NDUFA10: variants seen among roughly 807,000 people sequenced by gnomAD.
The protein encoded by NDUFA10 is NADH dehydrogenase [ubiquinone] 1 alpha subcomplex subunit 10, mitochondrial.
NDUFA10 carries 40 observed loss-of-function variants against 47.8 expected under a neutral mutation model. That is an observed-to-expected ratio of 0.84 (90% CI 0.65 to 1.09). The LOEUF (loss-of-function observed/expected upper bound fraction) is 1.09, where lower values mean the gene tolerates loss of function less well. Ranked by LOEUF, NDUFA10 falls within the 50% of genes least tolerant of loss-of-function variation. The probability of loss-of-function intolerance (pLI) is 0.00; values close to 1 mark genes in which losing one functional copy is unlikely to be tolerated. For missense variants in NDUFA10, 413 were observed against 451.1 expected (o/e 0.92, Z 0.76); for synonymous variants, 183 against 172.2 (o/e 1.06, Z -0.49).
At position 240,014,422 on chromosome 2, in the gene NDUFA10, G is replaced by A. The variant is rs76421408; in HGVS notation, c.669+317C>T. On this transcript the variant is annotated intron_variant, in intron 5 of 9. Coordinates refer to ENST00000252711, the MANE Select transcript of NDUFA10 (RefSeq NM_004544.4). The stretch of plus-strand genomic sequence containing the variant: ...ACCTCATCAGAGAACAGAAAGGTAC[G>A]TGACAGAGGGATGGAGGACGCTCTG... 6.9e-3 allele frequency: 2,819 copies of A among 410,324 alleles called. 59 individuals are homozygous for A. Among genetic ancestry groups the A allele is most frequent in the African/African-American group, 0.053 (2,583 of 49,064 alleles). 25.4% of individuals were successfully genotyped at this position (410,324 alleles called of 1,614,324 possible).
intron 4 of NDUFA10, among the ~76,000 whole-genome samples, chr2:239,900,078 G>A (rs148502643): frequency 1.8e-3 from 273 of 152,142 alleles, no homozygotes; most frequent in Middle Eastern, 6.8e-3. Context: ...CTCCCGTGGT[G>A]GATGCTTCCT....
At position 240,005,241 on chromosome 2, in the gene NDUFA10, C is replaced by A. The variant is rs1198189814; in HGVS notation, c.859G>T (p.Asp287Tyr). ...CGCAGGTGGTATAAAGTGCGATTGT[C>A]CTGCTTGAGCCACGGCCCTTTATCG... ...KFDKGPWLKQ[D>Y]NRTLYHLRLL... The change falls in exon 8 of 10, where the codon GAC becomes TAC. Residue 287 changes from aspartate (D) to tyrosine (Y), a missense_variant. Coordinates refer to ENST00000252711, the MANE Select transcript of NDUFA10 (RefSeq NM_004544.4). The A allele has an allele frequency of 1.2e-6, 2 of 1,613,990 alleles. No homozygotes were observed. Among genetic ancestry groups the A allele is most frequent in the Middle Eastern group, 1.6e-4 (1 of 6,084 alleles).
In NDUFA10 at chr2:239,907,991, C is replaced by G. The variant is rs186920208; in HGVS notation, c.295-12677G>C. 9.2e-5 allele frequency among the ~76,000 whole-genome samples: 14 copies of G among 152,260 alleles called. No homozygotes were observed. The East Asian group carries it at 2.7e-3, about 29-fold the overall frequency. ...TATTCACAATAGCAAAGACTTGGAACCAACCCAGATGTCCATCAATGATAG... is the reference window on the plus strand; with the variant it reads ...TATTCACAATAGCAAAGACTTGGAAGCAACCCAGATGTCCATCAATGATAG... On this transcript the variant is annotated intron_variant, in intron 4 of 5. Coordinates refer to the NDUFA10 transcript ENST00000419408.
At chr2:239,968,428 G>A (rs1006842716) in intron 9 of NDUFA10, among the ~76,000 whole-genome samples, 2 of 152,254 alleles carry the variant, frequency 1.3e-5, no homozygotes, top group Non-Finnish European at 2.9e-5. Flanking sequence ...GAACTATGCA[G>A]CTCCTGGGCA....
At chr2:240,023,972 G>A (rs942040521) in intron 1 of NDUFA10, among the ~76,000 whole-genome samples, 1 of 152,248 alleles carries the variant, frequency 6.6e-6, no homozygotes. Flanking sequence ...GCAATCCAAA[G>A]TAACCGACAG....
chr2:239,950,861 G>A (rs1164806092), intron 4 of NDUFA10, among the ~76,000 whole-genome samples: 1 of 152,212 alleles, frequency 6.6e-6, no homozygotes, highest in Non-Finnish European at 1.5e-5. Context: ...CTGTCTAGTT[G>A]TGTGACACTG....
intron 9 of NDUFA10, chr2:239,976,586 C>T (rs1164305343): frequency 6.6e-6 from 1 of 152,300 alleles, no homozygotes; most frequent in Non-Finnish European, 1.5e-5. Flanking sequence ...TGCCGAGTCT[C>T]CAGGGTGTGG....
chr2:239,976,177 T>A (rs1231594335), intron 9 of NDUFA10, among the ~76,000 whole-genome samples: 1 of 152,192 alleles, frequency 6.6e-6, no homozygotes, highest in Admixed American at 6.5e-5. Flanking sequence ...CTTGGTTACA[T>A]AACAATGTGC....
chr2:239,954,664 G>A (rs1406153225), downstream of NDUFA10, among the ~76,000 whole-genome samples: 1 of 152,230 alleles, frequency 6.6e-6, no homozygotes, highest in African/African-American at 2.4e-5. Flanking sequence ...TAGATGCAAA[G>A]GAGGGGCTGT....
chr2:239,953,674 G>C (rs1332724451), downstream of NDUFA10, among the ~76,000 whole-genome samples: 4 of 151,440 alleles, frequency 2.6e-5, no homozygotes, highest in African/African-American at 9.8e-5. Flanking sequence ...TGCCCTCTTA[G>C]GTGGGAAAAC....
chr2:239,941,121 G>T (rs78282445), intron 4 of NDUFA10, among the ~76,000 whole-genome samples: 10,756 of 152,302 alleles, frequency 0.071, 513 homozygotes, highest in Admixed American at 0.12. Flanking sequence ...CGGCAACAAG[G>T]AAGGAGCTTA....
chr2:239,946,999 C>T (rs3923003), intron 4 of NDUFA10, among the ~76,000 whole-genome samples: 63,414 of 152,018 alleles, frequency 0.42, 13,918 homozygotes, highest in East Asian at 0.62. Context: ...GTCCAGGAGA[C>T]GGATGCCCAG....
rs145371423 is a variant in NDUFA10 at position 240,017,919 on chromosome 2, T to C, written c.547+634A>G. ...AGCCACCCCAGTCTACAGATGAAAA[T>C]GCCGTCAGTCAGACTGTCCACCAGG... On this transcript the variant is annotated intron_variant, in intron 4 of 9. Coordinates refer to ENST00000252711, the MANE Select transcript of NDUFA10 (RefSeq NM_004544.4). The C allele has an allele frequency of 1.2e-3, 1,801 of 1,555,572 alleles. 21 individuals carry two copies. In the African/African-American group the frequency reaches 0.022, roughly 19 times the overall value.
At chr2:240,005,840 G>C (rs1696929603) in intron 7 of NDUFA10, among the ~76,000 whole-genome samples, 1 of 152,178 alleles carries the variant, frequency 6.6e-6, no homozygotes, top group Non-Finnish European at 1.5e-5. Context: ...TTACCCTGCA[G>C]GCTGGGAGAA....
At chr2:239,988,230 A>G (rs1321327678) in intron 9 of NDUFA10, among the ~76,000 whole-genome samples, 2 of 152,242 alleles carry the variant, frequency 1.3e-5, no homozygotes, top group Non-Finnish European at 2.9e-5. Context: ...TAACCAAAAG[A>G]AAGTTTCAGA....
At chr2:239,979,742 G>A (rs1695694608) in intron 9 of NDUFA10, among the ~76,000 whole-genome samples, 1 of 152,026 alleles carries the variant, frequency 6.6e-6, no homozygotes, top group African/African-American at 2.4e-5. Flanking sequence ...CTTTAAACCT[G>A]AGACCCAGAT....
chr2:239,900,950 A>T (rs1160039590), intron 4 of NDUFA10, among the ~76,000 whole-genome samples: 2 of 152,242 alleles, frequency 1.3e-5, no homozygotes, highest in African/African-American at 4.8e-5. Flanking sequence ...TATACAGAAG[A>T]TCTAGCTGAG....
chr2:240,019,141 G>A (rs1336925735), intron 3 of NDUFA10, among the ~76,000 whole-genome samples: 1 of 152,128 alleles, frequency 6.6e-6, no homozygotes, highest in South Asian at 2.1e-4. Context: ...CTGGGCAGAG[G>A]CCTCCCCTAA....
At chr2:239,927,297 T>C (rs1382609045) in intron 4 of NDUFA10, among the ~76,000 whole-genome samples, 1 of 152,132 alleles carries the variant, frequency 6.6e-6, no homozygotes, top group African/African-American at 2.4e-5. Flanking sequence ...TTAAGGTAAA[T>C]GTTATTATAA....
Sources: gnomAD v4.1 joint callset for allele counts (sites outside exome capture counted in the v4.1 genomes callset) on GRCh38, gnomAD v4.1.1 for gene constraint, MANE v1.5 for transcripts, NCBI Gene and HGNC (gene_info 2026-07-23, HGNC 2026-07-21) for gene names.